Variants in LMF1 observed in about 807,000 individuals in gnomAD.
LMF1 encodes the protein transmembrane protein 112.
A neutral mutation model predicts 60.6 loss-of-function variants in LMF1; 68 were observed. The ratio of observed to expected loss-of-function variants is 1.12; its 90% CI spans 0.92 to 1.37. The LOEUF (loss-of-function observed/expected upper bound fraction) is 1.37. LMF1 is among the 40% of genes most tolerant of loss of function. The probability of loss-of-function intolerance (pLI) is 0.00; values close to 1 mark genes in which losing one functional copy is unlikely to be tolerated. For synonymous variants in LMF1, 418 were observed against 324.7 expected (o/e 1.29, Z -3.09); for missense variants, 948 against 767.2 (o/e 1.24, Z -2.78).
At chr16:869,116 C>A (rs1462428747) in intron 9 of LMF1, 60 bp from the exon 10 acceptor site, 3 of 1,143,980 alleles carry the variant, frequency 2.6e-6, no homozygotes, top group Non-Finnish European at 2.7e-6. Context: ...CACAGCCCCT[C>A]CGGACGCTCG....
At chr16:981,349 T>TGAGA (rs1236928535), upstream of LMF1, 4 of 59,578 alleles carry the variant, frequency 6.7e-5, no homozygotes, top group East Asian at 2.5e-3. Context: ...AGAGAGAGAG[T>TGAGA]GTGTGTGTGT....
chr16:921,518 C>T (rs957380768), intron 3 of LMF1, among the ~76,000 whole-genome samples: 4 of 152,350 alleles, frequency 2.6e-5, no homozygotes, highest in African/African-American at 9.6e-5. Flanking sequence ...CACAGGGACT[C>T]GCCCTTAGAA....
At chr16:901,652 G>A (rs2070814718) in intron 4 of LMF1, 1 of 152,270 alleles carries the variant, frequency 6.6e-6, no homozygotes. Context: ...CGGGGGAAAT[G>A]CTCCAGGGCT....
intron 10 of LMF1, among the ~76,000 whole-genome samples, chr16:861,354 CTTTTTTTTTT>C (rs33941455): frequency 6.5e-5 from 6 of 92,664 alleles, no homozygotes; most frequent in East Asian, 3.1e-4. Flanking sequence ...AATTTTCTTT[CTTTTTTTTTT>C]TTTTTTTTTT....
At position 887,821 on chromosome 16, in the gene LMF1, C is replaced by T. The variant is rs150451720; in HGVS notation, c.729+5186G>A. ...GCAGGGGCAGTGCTTCCGGATCACT[C>T]TACTTAAGCAGTGGCCTAAAACTCC... On this transcript the variant is annotated intron_variant, in intron 5 of 10. Coordinates refer to ENST00000262301, the MANE Select transcript of LMF1 (RefSeq NM_022773.4). Among the ~76,000 whole-genome samples the T allele has an allele frequency of 4.7e-3, 715 of 152,202 alleles. 6 individuals are homozygous for T. The highest frequency in any genetic ancestry group is 0.016 in the African/African-American group (675 of 41,524).
intron 10 of LMF1, among the ~76,000 whole-genome samples, chr16:867,299 A>C (rs190119766): frequency 6.6e-6 from 1 of 152,334 alleles, no homozygotes; most frequent in East Asian, 1.9e-4. Flanking sequence ...CTGCTCTGAC[A>C]TGATTACTTT....
At chr16:919,072 C>A (rs1291742258) in intron 3 of LMF1, among the ~76,000 whole-genome samples, 2 of 152,132 alleles carry the variant, frequency 1.3e-5, no homozygotes, top group Non-Finnish European at 2.9e-5. Flanking sequence ...GGGCAGTCGG[C>A]ATGTCGGCGT....
At chr16:954,122 T>C (rs1016036966) in intron 2 of LMF1, 1 of 649,354 alleles carries the variant, frequency 1.5e-6, no homozygotes, top group African/African-American at 1.8e-5. Flanking sequence ...GGCAACGCAG[T>C]CCTTTAAGTA....
Position 854,701 on chromosome 16 carries a change from A to C in LMF1, c.1535T>G (p.Val512Gly). Residue 512 changes from valine to glycine, a missense_variant, in exon 11 of 11, where the codon GTC (valine) becomes GGC (glycine). Physicochemically the swap from Val to Gly is moderately radical, Grantham distance 109. Transcript: ENST00000262301. The part of the protein sequence containing the change: ...PFAGRPPPRW[V>G]RGEHYRYKFS... ...CTTGTACCTGTAGTGCTCTCCTCGG[A>C]CCCACCTGCAAGGGGGCACATGTCA... is the stretch of plus-strand genomic sequence containing the variant. 6.3e-7 allele frequency: 1 copy of C among 1,587,806 alleles called. No individual in the cohort carries two copies. Among genetic ancestry groups the C allele is most frequent in the Non-Finnish European group, 8.5e-7 (1 of 1,172,496 alleles).
intron 8 of LMF1, 68 bp from the exon 9 acceptor site, chr16:870,134 G>C (rs111946394): frequency 3.4e-4 from 507 of 1,486,078 alleles, no homozygotes; most frequent in Admixed American, 5.0e-4. Flanking sequence ...GTGCATGGGT[G>C]GGGGGGGTTC....
At chr16:977,994 ACACACACACAC>A (rs1413847389) in intron 1 of LMF1, among the ~76,000 whole-genome samples, 2 of 138,016 alleles carry the variant, frequency 1.4e-5, no homozygotes, top group East Asian at 2.2e-4. Flanking sequence ...ACATACACGC[ACACACACACAC>A]CACACACACA....
At chr16:919,322 C>A (rs149331412) in intron 3 of LMF1, among the ~76,000 whole-genome samples, 2 of 152,094 alleles carry the variant, frequency 1.3e-5, no homozygotes, top group East Asian at 1.9e-4. Flanking sequence ...GAGAAGTGGG[C>A]GGGAATCACC....
chr16:929,833 C>G (rs2071718832), intron 3 of LMF1, among the ~76,000 whole-genome samples: 2 of 152,282 alleles, frequency 1.3e-5, no homozygotes, highest in Admixed American at 1.3e-4. Flanking sequence ...TCCTGCTCAG[C>G]AGTCACGTCC....
intron 3 of LMF1, among the ~76,000 whole-genome samples, chr16:916,572 G>GCT (rs1460427108): frequency 6.6e-6 from 1 of 152,244 alleles, no homozygotes; most frequent in African/African-American, 2.4e-5. Flanking sequence ...GGGGAGTTCG[G>GCT]CTCTCGCTGC....
chr16:968,048 C>T (rs369292869), intron 1 of LMF1, among the ~76,000 whole-genome samples: 3 of 152,324 alleles, frequency 2.0e-5, no homozygotes, highest in Non-Finnish European at 2.9e-5. Flanking sequence ...AGGGCATGCC[C>T]GACACCCCAG....
intron 1 of LMF1, chr16:980,173 T>G: frequency 4.7e-6 from 1 of 212,478 alleles, no homozygotes; most frequent in African/African-American, 2.3e-5. Context: ...ACACGGCCCT[T>G]GCTCTTCAGC....
In LMF1 at chr16:886,215, G is replaced by A. The variant is rs142026314; in HGVS notation, c.730-6478C>T. 1.7e-3 allele frequency among the ~76,000 whole-genome samples: 259 copies of A among 152,316 alleles called. 1 individual carries two copies. Among genetic ancestry groups the A allele is most frequent in the African/African-American group, 5.9e-3 (245 of 41,560 alleles). ...AGCCAGTAAGGGGCGCATGGAGGAT[G>A]GGCAGCACAGGGCTGCATAACAACA... On this transcript the variant is annotated intron_variant, in intron 5 of 10. Coordinates refer to ENST00000262301, the MANE Select transcript of LMF1 (RefSeq NM_022773.4).
chr16:876,072 C>A (rs1247416792), intron 6 of LMF1, among the ~76,000 whole-genome samples: 1 of 152,258 alleles, frequency 6.6e-6, no homozygotes, highest in Admixed American at 6.5e-5. Flanking sequence ...TCAGCACAAC[C>A]CTCCTTGTGC....
intron 2 of LMF1, among the ~76,000 whole-genome samples, chr16:946,613 C>T (rs1384300731): frequency 6.6e-6 from 1 of 152,234 alleles, no homozygotes; most frequent in African/African-American, 2.4e-5. Flanking sequence ...AAGGTGAGTG[C>T]TCACAGGCCC....
Sources: allele counts gnomAD v4.1 joint callset (sites outside exome capture counted in the v4.1 genomes callset), GRCh38; gene constraint gnomAD v4.1.1; transcripts MANE v1.5; gene names NCBI Gene and HGNC (gene_info 2026-07-23, HGNC 2026-07-21).